PHF3: variants seen among roughly 807,000 people sequenced by gnomAD.
PHF3 encodes PHD finger protein 3.
PHF3 carries 41 observed loss-of-function variants against 178.4 expected under a neutral mutation model. The ratio of observed to expected loss-of-function variants is 0.23; its 90% CI spans 0.18 to 0.30. The LOEUF is 0.30. PHF3 is among the 10% of genes least tolerant of loss of function. The probability of loss-of-function intolerance (pLI) is 1.00; values close to 1 mark genes in which losing one functional copy is unlikely to be tolerated. For missense variants in PHF3, 2,346 were observed against 2,398.1 expected, an observed-to-expected ratio of 0.98 and a Z score of 0.45; for synonymous variants, 842 against 800.5, an observed-to-expected ratio of 1.05 and a Z score of -0.88.
At chr6:63,663,724 G>T (rs1261860684) in intron 2 of PHF3, among the ~76,000 whole-genome samples, 1 of 152,102 alleles carries the variant, frequency 6.6e-6, no homozygotes, top group East Asian at 1.9e-4. Flanking sequence ...GAAAGAAATT[G>T]CAGTAGCTCA....
chr6:63,673,350 C>T (rs1253513479), intron 2 of PHF3, among the ~76,000 whole-genome samples: 4 of 151,986 alleles, frequency 2.6e-5, no homozygotes, highest in Non-Finnish European at 4.4e-5. Context: ...GATTTCAGTT[C>T]ATAAAAAAGC....
At position 63,684,135 on chromosome 6, in the gene PHF3, T is replaced by C. The variant is rs143991288; in HGVS notation, c.413T>C (p.Val138Ala). Residue 138 changes from valine (V) to alanine (A), a missense_variant, in exon 4 of 16, where the codon GTA (valine) becomes GCA (alanine). Coordinates refer to ENST00000262043, the MANE Select transcript of PHF3 (RefSeq NM_001370348.2). ...TTTTTTCCCCCTGTGATAGAACAAG[T>C]AAGAAGTTTGCGACAGAGCACTATT... The part of the protein sequence containing the change: ...KSPRLMAQEQ[V>A]RSLRQSTIAK... 1.4e-5 allele frequency: 23 copies of C among 1,595,168 alleles called. No homozygotes were observed. Among genetic ancestry groups the C allele is most frequent in the Middle Eastern group, 1.7e-4 (1 of 5,962 alleles).
intron 4 of PHF3, among the ~76,000 whole-genome samples, chr6:63,688,465 A>C (rs1766847568): frequency 1.3e-5 from 2 of 148,202 alleles, no homozygotes; most frequent in African/African-American, 5.0e-5. Context: ...CCTCCCAAGT[A>C]GCTGGGATTA....
intron 4 of PHF3, among the ~76,000 whole-genome samples, chr6:63,688,453 G>A (rs895284573): frequency 1.4e-5 from 2 of 146,710 alleles, no homozygotes; most frequent in Admixed American, 1.4e-4. Context: ...CTCCTGCCTC[G>A]GCCTCCCAAG....
chr6:63,679,867 A>T (rs966192621), intron 2 of PHF3, 133 bp from the exon 3 acceptor site: 4 of 785,966 alleles, frequency 5.1e-6, no homozygotes, highest in Non-Finnish European at 8.6e-6. Flanking sequence ...CATGTTAGAA[A>T]ATTTCACATT....
At position 63,684,220 on chromosome 6, in the gene PHF3, A is replaced by G. The variant is rs35294942; in HGVS notation, c.498A>G (p.Val166=). 1.5e-3 allele frequency: 2,484 copies of G among 1,614,050 alleles called. 29 individuals carry two copies. The African/African-American group carries it at 0.027, about 18-fold the overall frequency. ...CAAAAAAAGCATCTGGGAAGACTGT[A>G]TCTACTGCTAAAGCAGGAGTGAAAC... is the stretch of plus-strand genomic sequence containing the variant. ...SNTKKASGKT[V]STAKAGVKQP... The change falls in exon 4 of 16, where the codon GTA becomes GTG. Residue 166 remains valine (V), a synonymous_variant. Transcript: ENST00000262043.
intron 2 of PHF3, among the ~76,000 whole-genome samples, chr6:63,665,916 T>C: frequency 6.6e-6 from 1 of 152,210 alleles, no homozygotes; most frequent in South Asian, 2.1e-4. Context: ...TCAACTCCTC[T>C]CTACTTTATG....
chr6:63,670,628 C>A (rs1303547727), intron 2 of PHF3, among the ~76,000 whole-genome samples: 1 of 152,100 alleles, frequency 6.6e-6, no homozygotes, highest in Non-Finnish European at 1.5e-5. Context: ...AGGATAACTT[C>A]CTGATTTGAG....
At chr6:63,649,904 T>C (rs531098481) in intron 2 of PHF3, among the ~76,000 whole-genome samples, 43 of 152,280 alleles carry the variant, frequency 2.8e-4, no homozygotes, top group South Asian at 2.7e-3. Flanking sequence ...ACTTGAGGAG[T>C]GTATTCAAAA....
chr6:63,713,025 C>A lies in PHF3; in HGVS notation c.5437C>A (p.Pro1813Thr). 1 of 1,614,008 alleles carries A rather than the reference C, an allele frequency of 6.2e-7. No homozygotes were observed. The highest frequency in any genetic ancestry group is 2.2e-5 in the East Asian group (1 of 44,862). The change falls in exon 16 of 16, where the codon CCT becomes ACT. Residue 1813 changes from proline to threonine, a missense_variant. Coordinates refer to ENST00000262043, the MANE Select transcript of PHF3 (RefSeq NM_001370348.2). ...PNLQHLKSSP[P>T]GFPFPGPPNF... ...CCTTCAGCATCTCAAGTCTAGCCCA[C>A]CTGGATTTCCATTTCCAGGGCCTCC...
intron 6 of PHF3, among the ~76,000 whole-genome samples, chr6:63,697,981 G>A (rs1282236715): frequency 6.6e-6 from 1 of 152,070 alleles, no homozygotes; most frequent in African/African-American, 2.4e-5. Flanking sequence ...TAATATATAT[G>A]TGTGGAAAAA....
intron 2 of PHF3, among the ~76,000 whole-genome samples, chr6:63,672,426 A>G (rs1369704459): frequency 6.6e-6 from 1 of 152,232 alleles, no homozygotes; most frequent in Non-Finnish European, 1.5e-5. Flanking sequence ...CATAGGGCAG[A>G]CAGAGCTAAT....
chr6:63,703,819 G>A (rs1304017992), intron 11 of PHF3, 148 bp downstream of exon 11: 2 of 685,800 alleles, frequency 2.9e-6, no homozygotes, highest in African/African-American at 3.7e-5. Flanking sequence ...CGTGTGACTG[G>A]TTTTCTGGGT....
intron 2 of PHF3, chr6:63,678,851 T>G: frequency 2.2e-6 from 1 of 453,346 alleles, no homozygotes; most frequent in Non-Finnish European, 4.4e-6. Context: ...CTTGTTGAGC[T>G]CTTTTAAATG....
rs1476900072 is a variant in PHF3, at chr6:63,681,363, C to T, written c.406+1202C>T. Among the ~76,000 whole-genome samples, 3 of 151,984 alleles carry T rather than the reference C, an allele frequency of 2.0e-5. 1 individual carries two copies. The highest frequency in any genetic ancestry group is 2.1e-4 in the South Asian group (1 of 4,828). On this transcript the variant is annotated intron_variant, in intron 3 of 15. Transcript: ENST00000262043. ...TCTGAAAAATGTTATTGTTCAATTC[C>T]GGGAAAATTTTTCAAATTATTTCAT...
Position 63,687,228 on chromosome 6 carries a change from A to G in PHF3, c.2189+1317A>G, listed in dbSNP as rs185597823. On this transcript the variant is annotated intron_variant, in intron 4 of 15. Transcript: ENST00000262043. ...CACTTGAGGTCAGGAGTTCGAGACC[A>G]GCCTGGCCAACATGGTGAAACCCCG... is the stretch of plus-strand genomic sequence containing the variant. Among the ~76,000 whole-genome samples the G allele has an allele frequency of 7.0e-3, 1,071 of 152,324 alleles. 15 individuals are homozygous for G. Among genetic ancestry groups the G allele is most frequent in the South Asian group, 0.024 (116 of 4,828 alleles).
chr6:63,686,343 G>GT (rs533212365), intron 4 of PHF3: 3,550 of 149,116 alleles, frequency 0.024, 55 homozygotes, highest in African/African-American at 0.053. Context: ...TTCTTTTGAA[G>GT]TTTTTTTTTT....
At chr6:63,642,901 T>G (rs927395725) in intron 1 of PHF3, among the ~76,000 whole-genome samples, 1 of 152,174 alleles carries the variant, frequency 6.6e-6, no homozygotes, top group Admixed American at 6.5e-5. Context: ...TCCCAGAATA[T>G]TCTTAGATTA....
chr6:63,703,655 C>G lies in PHF3; in HGVS notation c.3351C>G (p.Asn1117Lys), dbSNP rs765035300. Residue 1117 changes from asparagine (N) to lysine (K), a missense_variant, in exon 11 of 16, where the codon AAC becomes AAG. This residue lies in a region of PHF3 where 205 missense variants were observed against 212.4 expected (regional missense o/e 0.97). Transcript: ENST00000262043. The part of the protein sequence containing the change: ...SQHRQHLFDL[N>K]CKICIGRMAP... ...ACAGACAGCATCTTTTTGATCTCAA[C>G]TGCAAAATCTGCATAGGTAATTGGA... 1 of 1,598,564 alleles carries G rather than the reference C, an allele frequency of 6.3e-7. No individual in the cohort carries two copies. The highest frequency in any genetic ancestry group is 8.5e-7 in the Non-Finnish European group (1 of 1,175,974).
Sources: gnomAD v4.1 joint callset for allele counts (sites outside exome capture counted in the v4.1 genomes callset) on GRCh38, gnomAD v4.1.1 for gene constraint, gnomAD v4.1.1 regional missense constraint, MANE v1.5 for transcripts, NCBI Gene and HGNC (gene_info 2026-07-23, HGNC 2026-07-21) for gene names.